SAMD12: variants seen among roughly 807,000 people sequenced by gnomAD.
SAMD12 encodes sterile alpha motif domain containing 12, also known as sterile alpha motif domain-containing protein 12.
In SAMD12, 9 loss-of-function variants were observed where a neutral mutation model predicts 15.0. The observed-to-expected ratio is 0.60, with a 90% CI of 0.36 to 1.05. The LOEUF (loss-of-function observed/expected upper bound fraction) is 1.05, where lower values mean the gene tolerates loss of function less well. Among genes scored for constraint, SAMD12 ranks in the 50% least tolerant of loss-of-function variants. The pLI, the probability that SAMD12 is intolerant of heterozygous loss-of-function variation, is 0.01. For synonymous variants in SAMD12, 86 were observed against 90.1 expected (o/e 0.96, Z 0.25); for missense variants, 230 against 234.2 (o/e 0.98, Z 0.12).
intron 1 of SAMD12, among the ~76,000 whole-genome samples, chr8:118,617,910 T>C (rs1828280491): frequency 6.6e-6 from 1 of 152,176 alleles, no homozygotes; most frequent in Admixed American, 6.5e-5. Context: ...ATCAATAGGT[T>C]TAACCGTCTA....
chr8:118,568,026 T>C (rs1052533242), intron 2 of SAMD12, among the ~76,000 whole-genome samples: 1 of 152,174 alleles, frequency 6.6e-6, no homozygotes, highest in Non-Finnish European at 1.5e-5. Flanking sequence ...GTTCACACTC[T>C]AGTGGATGAT....
intron 4 of SAMD12, among the ~76,000 whole-genome samples, chr8:118,288,820 T>C (rs1391819941): frequency 3.9e-5 from 6 of 152,204 alleles, no homozygotes; most frequent in Non-Finnish European, 8.8e-5. Flanking sequence ...TTTAGCCTCA[T>C]TAACATGAGA....
intron 4 of SAMD12, among the ~76,000 whole-genome samples, chr8:118,204,548 A>T (rs918847987): frequency 6.6e-6 from 1 of 152,080 alleles, no homozygotes; most frequent in Non-Finnish European, 1.5e-5. Flanking sequence ...AGGTCAGAAG[A>T]TCGACACCAT....
intron 2 of SAMD12, among the ~76,000 whole-genome samples, chr8:118,517,551 T>A (rs1291666546): frequency 6.6e-6 from 1 of 152,180 alleles, no homozygotes; most frequent in Non-Finnish European, 1.5e-5. Context: ...GAATCCCAGA[T>A]AATGTATCAT....
intron 4 of SAMD12, among the ~76,000 whole-genome samples, chr8:118,348,558 G>A (rs547192387): frequency 6.6e-6 from 1 of 152,192 alleles, no homozygotes; most frequent in African/African-American, 2.4e-5. Context: ...GTTTTTAGTA[G>A]AGACGGGGTT....
chr8:118,360,994 C>G (rs1249135831), intron 4 of SAMD12, among the ~76,000 whole-genome samples: 1 of 152,026 alleles, frequency 6.6e-6, no homozygotes, highest in Admixed American at 6.6e-5. Context: ...GGGTTAAGGC[C>G]CACATGTTTA....
intron 2 of SAMD12, among the ~76,000 whole-genome samples, chr8:118,571,947 T>C (rs1023643879): frequency 6.6e-6 from 1 of 152,044 alleles, no homozygotes; most frequent in South Asian, 2.1e-4. Context: ...CCCAGAATGG[T>C]AGATCCACTG....
intron 4 of SAMD12, among the ~76,000 whole-genome samples, chr8:118,278,823 C>T (rs931177301): frequency 3.9e-5 from 6 of 152,092 alleles, no homozygotes; most frequent in Non-Finnish European, 5.9e-5. Flanking sequence ...CAGTACAAAG[C>T]GAAGGGAAGT....
At chr8:118,150,404 A>T in the SAMD12 span, among the ~76,000 whole-genome samples, 1 of 152,132 alleles carries the variant, frequency 6.6e-6, no homozygotes, top group African/African-American at 2.4e-5. Flanking sequence ...TTTTAGAGAC[A>T]GGGTCTTGAT....
chr8:118,309,218 C>T (rs1303553822), intron 4 of SAMD12, among the ~76,000 whole-genome samples: 1 of 152,154 alleles, frequency 6.6e-6, no homozygotes, highest in Non-Finnish European at 1.5e-5. Context: ...ACTTAACTCC[C>T]ACTTATGAGT....
At chr8:118,455,700 A>T (rs1438269498) in intron 2 of SAMD12, among the ~76,000 whole-genome samples, 1 of 152,222 alleles carries the variant, frequency 6.6e-6, no homozygotes, top group Non-Finnish European at 1.5e-5. Flanking sequence ...TTTCAAACTT[A>T]ACACGCTCAA....
chr8:118,316,752 A>G (rs1815928211), intron 4 of SAMD12, among the ~76,000 whole-genome samples: 1 of 151,378 alleles, frequency 6.6e-6, no homozygotes. Flanking sequence ...CAAAATTCTT[A>G]TGTTGAAATC....
intron 2 of SAMD12, among the ~76,000 whole-genome samples, chr8:118,441,424 G>A (rs563188754): frequency 2.7e-5 from 4 of 148,656 alleles, no homozygotes; most frequent in African/African-American, 7.5e-5. Context: ...ATACGGAAGC[G>A]ATTCAAGGTT....
exon 5 of SAMD12, chr8:118,190,072 CACTT>C (rs1819321427): frequency 6.6e-6 from 1 of 151,798 alleles, no homozygotes; most frequent in Admixed American, 6.6e-5. Context: ...TTTAACTACT[CACTT>C]AAGGAAGTTA....
At chr8:118,255,491 C>G (rs141239880) in intron 4 of SAMD12, among the ~76,000 whole-genome samples, 6,303 of 140,036 alleles carry the variant, frequency 0.045, 518 homozygotes, top group African/African-American at 0.16. Context: ...TCTCCTAATG[C>G]TATCCCTCCC....
intron 4 of SAMD12, among the ~76,000 whole-genome samples, chr8:118,327,189 T>C (rs1177321727): frequency 6.6e-6 from 1 of 152,176 alleles, no homozygotes. Context: ...TGTGTGTGTG[T>C]TTTTTAAACG....
chr8:118,582,194 C>T (rs116109968), intron 1 of SAMD12, among the ~76,000 whole-genome samples: 342 of 152,234 alleles, frequency 2.2e-3, no homozygotes, highest in African/African-American at 7.5e-3. Context: ...TTCCTATGTT[C>T]CCAATCAACA....
chr8:118,235,243 G>A (rs936045996), intron 4 of SAMD12, among the ~76,000 whole-genome samples: 8 of 150,182 alleles, frequency 5.3e-5, no homozygotes, highest in Non-Finnish European at 1.0e-4. Flanking sequence ...ACGGAGTCTT[G>A]CTCTGTCGCC....
intron 2 of SAMD12, among the ~76,000 whole-genome samples, chr8:118,571,748 C>A (rs1025161852): frequency 6.6e-6 from 1 of 152,166 alleles, no homozygotes; most frequent in Non-Finnish European, 1.5e-5. Context: ...GTCTGAGAAC[C>A]TAGATTCCAG....
Sources: allele counts gnomAD v4.1 joint callset (sites outside exome capture counted in the v4.1 genomes callset), GRCh38; gene constraint gnomAD v4.1.1; transcripts MANE v1.5; gene names NCBI Gene and HGNC (gene_info 2026-07-23, HGNC 2026-07-21).